Variants in MAPK8IP3 observed in about 807,000 individuals in gnomAD.
MAPK8IP3 encodes C-Jun-amino-terminal kinase-interacting protein 3.
In MAPK8IP3, 49 loss-of-function variants were observed where a neutral mutation model predicts 157.8. The observed-to-expected ratio is 0.31, with a 90% CI of 0.25 to 0.39. The LOEUF (loss-of-function observed/expected upper bound fraction) is 0.39. Ranked by LOEUF, MAPK8IP3 falls within the 10% of genes least tolerant of loss-of-function variation. The pLI is 1.00. For synonymous variants in MAPK8IP3, 897 were observed against 777.7 expected (o/e 1.15, Z -2.55); for missense variants, 1,478 against 1,889.4 (o/e 0.78, Z 4.04).
rs1430341739 is a variant in MAPK8IP3 at position 1,766,024 on chromosome 16, C to T, written c.2511C>T (p.Asp837=). The change falls in exon 21 of 32, where the codon GAC becomes GAT. Residue 837 remains aspartate, a synonymous_variant. Transcript: ENST00000610761. Reference sequence around the variant, plus strand: ...TGGACAGCGACGTGAACCCAGAGGACCCGGGCGCAGATGGCGTGCTGGCCG... The same window carrying T: ...TGGACAGCGACGTGAACCCAGAGGATCCGGGCGCAGATGGCGTGCTGGCCG... ...MFLDSDVNPE[D]PGADGVLAGI... is the part of the protein sequence containing the mutation. The T allele has an allele frequency of 6.2e-7, 1 of 1,612,860 alleles. No individual in the cohort carries two copies. The highest frequency in any genetic ancestry group is 8.5e-7 in the Non-Finnish European group (1 of 1,179,952).
At chr16:1,738,788 C>T (rs1473593464) in intron 4 of MAPK8IP3, among the ~76,000 whole-genome samples, 3 of 119,080 alleles carry the variant, frequency 2.5e-5, no homozygotes, top group Non-Finnish European at 5.1e-5. Context: ...TGTGAGCGTC[C>T]GTGTGAGTGT....
chr16:1,729,929 C>T (rs2039184998), intron 4 of MAPK8IP3, among the ~76,000 whole-genome samples: 1 of 151,810 alleles, frequency 6.6e-6, no homozygotes, highest in Non-Finnish European at 1.5e-5. Flanking sequence ...GTGACCTCAG[C>T]CGGGCACAGT....
intron 1 of MAPK8IP3, among the ~76,000 whole-genome samples, chr16:1,708,174 G>C (rs2037521792): frequency 6.6e-6 from 1 of 152,250 alleles, no homozygotes; most frequent in Non-Finnish European, 1.5e-5. Context: ...CTTGTCCTGA[G>C]AAGTGGAGGG....
At chr16:1,721,043 A>C (rs571292500) in intron 1 of MAPK8IP3, among the ~76,000 whole-genome samples, 24 of 151,878 alleles carry the variant, frequency 1.6e-4, no homozygotes, top group African/African-American at 5.1e-4. Flanking sequence ...CAAAAAAAAA[A>C]AAAACAAAAC....
chr16:1,751,838 ATCT>A lies in MAPK8IP3; in HGVS notation c.1216+3121_1216+3123del, dbSNP rs2041307861. 2 of 152,248 alleles carry A rather than the reference ATCT, an allele frequency of 1.3e-5. No homozygotes were observed. Among genetic ancestry groups the A allele is most frequent in the Non-Finnish European group, 2.9e-5 (2 of 68,100 alleles). 9.4% of individuals were successfully genotyped at this position (152,248 alleles called of 1,614,324 possible). A position where few individuals can be genotyped will look rare whatever the true frequency, so the allele number is the denominator to read the frequency against. On this transcript the variant is annotated intron_variant, in intron 8 of 31. Transcript: ENST00000610761. This position sits in a 1 kb window ranked among gnomAD's most constrained non-coding sequence, Gnocchi z 5.0. ...CCTGGCTTCTTTAACGTTGCATCACATCTTCAAGGTCCATCCCAGCTGCAGCGT... is the reference window on the plus strand; with the variant it reads ...CCTGGCTTCTTTAACGTTGCATCACATCAAGGTCCATCCCAGCTGCAGCGT...
chr16:1,760,653 C>G, intron 12 of MAPK8IP3, 121 bp downstream of exon 12: 10 of 1,236,330 alleles, frequency 8.1e-6, no homozygotes, highest in South Asian at 1.6e-5. Flanking sequence ...CTACCTACCT[C>G]CAGCTCCAGC....
In MAPK8IP3 at chr16:1,724,666, A is replaced by G. The variant is rs373591543; in HGVS notation, c.428A>G (p.Tyr143Cys). 29 of 1,613,058 alleles carry G rather than the reference A, an allele frequency of 1.8e-5. No homozygotes were observed. The African/African-American group carries it at 3.7e-4, about 21-fold the overall frequency. The change falls in exon 2 of 32, where the codon TAT (tyrosine) becomes TGT (cysteine). Residue 143 changes from tyrosine to cysteine, a missense_variant. Coordinates refer to ENST00000610761, the MANE Select transcript of MAPK8IP3 (RefSeq NM_001318852.2). This position sits in a 1 kb window ranked among gnomAD's most constrained non-coding sequence, Gnocchi z 4.1. The stretch of plus-strand genomic sequence containing the variant: ...CAGCTGGAGCTGAAGGCCAAGAACT[A>G]TGCCGATCAGAGTAAGTGGCTGGCG... ...TRQLELKAKN[Y>C]ADQISRLEER...
rs376826067 is a variant in MAPK8IP3, at chr16:1,748,582, C to A, written c.1098-20C>A. ...TGCCCACTGACTCTGCTCTCTCTCC[C>A]GACCTGTGGATCCCAACAGCCCAAC... On this transcript the variant is annotated intron_variant, in intron 7 of 31. Coordinates refer to ENST00000610761, the MANE Select transcript of MAPK8IP3 (RefSeq NM_001318852.2). The A allele has an allele frequency of 6.3e-7, 1 of 1,594,950 alleles. No homozygotes were observed. The highest frequency in any genetic ancestry group is 8.6e-7 in the Non-Finnish European group (1 of 1,162,936).
In MAPK8IP3 at chr16:1,762,466, G is replaced by A; in HGVS notation, c.1655G>A (p.Trp552Ter). Residue 552 changes from tryptophan (W) to a stop codon, truncating the protein, a stop_gained, in exon 14 of 32, where the codon TGG (tryptophan) becomes TAG (stop). Coordinates refer to ENST00000610761, the MANE Select transcript of MAPK8IP3 (RefSeq NM_001318852.2). LOFTEE classifies it high-confidence loss of function. ...ATGGAGCTGCAGGAGGCTGTGCGGT[G>A]GACTGAGATGATCAGGTGGGAGTTG... ...RLMELQEAVR[W>*]TEMIRASREH... 1 of 1,611,176 alleles carries A rather than the reference G, an allele frequency of 6.2e-7. No homozygotes were observed. Among genetic ancestry groups the A allele is most frequent in the South Asian group, 1.1e-5 (1 of 90,666 alleles).
Position 1,724,479 on chromosome 16 carries a change from C to T in MAPK8IP3, c.319-78C>T, listed in dbSNP as rs1385611004. On this transcript the variant is annotated intron_variant, in intron 1 of 31. Coordinates refer to ENST00000610761, the MANE Select transcript of MAPK8IP3 (RefSeq NM_001318852.2). The surrounding 1 kb of genome is among the most constrained non-coding windows in gnomAD (Gnocchi z 4.1). ...ATCTTTGGCCCCTGGGCCCTCAAAG[C>T]CTGCGGCCCTTCAAGTGAAAGGCGG... The T allele has an allele frequency of 1.6e-5, 25 of 1,555,118 alleles. No homozygotes were observed. The South Asian group carries it at 1.7e-4, about 11-fold the overall frequency.
Position 1,768,272 on chromosome 16 carries a change from C to G in MAPK8IP3, c.3636C>G (p.Ser1212Arg). 1 of 1,611,942 alleles carries G rather than the reference C, an allele frequency of 6.2e-7. No homozygotes were observed. Among genetic ancestry groups the G allele is most frequent in the Non-Finnish European group, 8.5e-7 (1 of 1,179,990 alleles). ...TCATCCACGTGTATGGCGATGACAG[C>G]AGTGACAGGGCGGCCAGCAGCTTCA... Reference protein sequence around the residue: ...GGIIHVYGDDSSDRAASSFIP... With the variant: ...GGIIHVYGDDRSDRAASSFIP... The change falls in exon 30 of 32, where the codon AGC becomes AGG. Residue 1212 changes from serine (S) to arginine (R), a missense_variant. Physicochemically the swap from Ser to Arg is moderately radical, Grantham distance 110 (BLOSUM62 -1). Coordinates refer to ENST00000610761, the MANE Select transcript of MAPK8IP3 (RefSeq NM_001318852.2).
chr16:1,720,473 T>C (rs2038442326), intron 1 of MAPK8IP3, among the ~76,000 whole-genome samples: 1 of 152,164 alleles, frequency 6.6e-6, no homozygotes, highest in Non-Finnish European at 1.5e-5. Flanking sequence ...AGTACGCCTG[T>C]TGGTGTTGAA....
At chr16:1,737,066 G>A (rs1596640684) in intron 4 of MAPK8IP3, among the ~76,000 whole-genome samples, 1 of 86,612 alleles carries the variant, frequency 1.2e-5, no homozygotes, top group African/African-American at 4.5e-5. Context: ...GTGAGCGTCC[G>A]TGTGAGCGTG....
chr16:1,737,292 C>T (rs1410899599), intron 4 of MAPK8IP3, among the ~76,000 whole-genome samples: 1 of 73,402 alleles, frequency 1.4e-5, no homozygotes. Context: ...GTGAGTGTGA[C>T]CATCCATGTG....
Position 1,742,511 on chromosome 16 carries a change from C to T in MAPK8IP3, c.603-821C>T, listed in dbSNP as rs1460642089. 1.3e-5 allele frequency among the ~76,000 whole-genome samples: 2 copies of T among 152,176 alleles called. No individual in the cohort carries two copies. The highest frequency in any genetic ancestry group is 1.9e-4 in the East Asian group (1 of 5,194). ...CAGGCTCCGGCTGCAGCAGATGAGA[C>T]GGGGTCAGTCCTTACTCTGGATGTG... is the stretch of plus-strand genomic sequence containing the variant. On this transcript the variant is annotated intron_variant, in intron 4 of 31. Transcript: ENST00000610761. The surrounding 1 kb of genome is among the most constrained non-coding windows in gnomAD (Gnocchi z 5.0).
chr16:1,763,989 C>A, intron 17 of MAPK8IP3, 126 bp from the exon 18 acceptor site: 2 of 1,103,694 alleles, frequency 1.8e-6, no homozygotes, highest in Admixed American at 2.8e-5. Context: ...GCTCCCACGC[C>A]CCCACCTGCC....
At chr16:1,762,219 C>G in intron 13 of MAPK8IP3, 132 bp from the exon 14 acceptor site, 1 of 1,260,352 alleles carries the variant, frequency 7.9e-7, no homozygotes, top group East Asian at 2.6e-5. Flanking sequence ...CACCCCTCCA[C>G]ACCGCTTCTT....
At position 1,767,682 on chromosome 16, in the gene MAPK8IP3, C is replaced by T. The variant is rs1247406454; in HGVS notation, c.3356C>T (p.Thr1119Met). 6.2e-6 allele frequency: 10 copies of T among 1,612,814 alleles called. No homozygotes were observed. Among genetic ancestry groups the T allele is most frequent in the Admixed American group, 1.7e-5 (1 of 60,010 alleles). Residue 1119 changes from threonine (T) to methionine (M), a missense_variant, in exon 27 of 32, where the codon ACG becomes ATG. By Grantham distance (81) the Thr-to-Met change is moderately conservative (BLOSUM62 -1). Around this residue, in one of 11 missense-constraint regions of MAPK8IP3, gnomAD observed 68 missense variants for 125.1 expected, o/e 0.54. Coordinates refer to ENST00000610761, the MANE Select transcript of MAPK8IP3 (RefSeq NM_001318852.2). ...DSTLRLYHAH[T>M]HQHLQDVDIE... ...ACCCTGAGGCTCTACCATGCACACA[C>T]GCACCAGCATCTACAGGACGTGGAC... is the stretch of plus-strand genomic sequence containing the variant.
At chr16:1,763,339 C>G (rs1378864705) in intron 16 of MAPK8IP3, among the ~76,000 whole-genome samples, 1 of 152,270 alleles carries the variant, frequency 6.6e-6, no homozygotes. Flanking sequence ...CTGGTCATGC[C>G]TGTGCCCCGG....
Sources: allele counts gnomAD v4.1 joint callset (sites outside exome capture counted in the v4.1 genomes callset), GRCh38; gene constraint gnomAD v4.1.1; regional missense constraint gnomAD v4.1.1; non-coding constraint Gnocchi (gnomAD v3.1); transcripts MANE v1.5; gene names NCBI Gene and HGNC (gene_info 2026-07-23, HGNC 2026-07-21).